The following PPP1R9A variants were observed in gnomAD, a reference collection of about 807,000 sequenced individuals.
PPP1R9A encodes the protein neurabin-1.
Under a neutral mutation model 141.9 loss-of-function variants are expected in PPP1R9A, and 59 were observed. The ratio of observed to expected loss-of-function variants is 0.42; its 90% CI spans 0.34 to 0.52. PPP1R9A has a LOEUF of 0.52. Ranked by LOEUF, PPP1R9A falls within the 20% of genes least tolerant of loss-of-function variation. The probability of loss-of-function intolerance (pLI) is 0.10; values close to 1 mark genes in which losing one functional copy is unlikely to be tolerated. For missense variants in PPP1R9A, 1,444 were observed against 1,611.9 expected, an observed-to-expected ratio of 0.90 and a Z score of 1.78; for synonymous variants, 500 against 569.7, an observed-to-expected ratio of 0.88 and a Z score of 1.74.
chr7:95,279,468 A>G (rs536061277), intron 16 of PPP1R9A, among the ~76,000 whole-genome samples: 139 of 152,348 alleles, frequency 9.1e-4, no homozygotes, highest in Non-Finnish European at 1.7e-3. Context: ...TAGCCCTAGT[A>G]GATCGGACTT....
At chr7:95,236,998 G>T (rs146050513) in intron 8 of PPP1R9A, among the ~76,000 whole-genome samples, 2 of 150,956 alleles carry the variant, frequency 1.3e-5, no homozygotes, top group African/African-American at 2.4e-5. Context: ...CAACTTTATT[G>T]CACTCTGATC....
chr7:94,994,663 A>G (rs1801937134), intron 2 of PPP1R9A, among the ~76,000 whole-genome samples: 1 of 152,120 alleles, frequency 6.6e-6, no homozygotes, highest in Non-Finnish European at 1.5e-5. Context: ...TGGGAGGCTG[A>G]GGCAGACGGA....
intron 2 of PPP1R9A, among the ~76,000 whole-genome samples, chr7:95,065,213 G>A (rs982841751): frequency 5.3e-5 from 8 of 152,060 alleles, no homozygotes; most frequent in Non-Finnish European, 1.2e-4. Context: ...CTACAGGTGT[G>A]CACCACCACA....
chr7:95,165,595 A>T (rs945908502), intron 5 of PPP1R9A, among the ~76,000 whole-genome samples: 3 of 152,270 alleles, frequency 2.0e-5, no homozygotes, highest in Admixed American at 1.3e-4. Context: ...TATGGAAGAT[A>T]GTAACTGTTT....
intron 1 of PPP1R9A, among the ~76,000 whole-genome samples, chr7:94,908,903 C>T (rs1457985580): frequency 6.6e-6 from 1 of 152,164 alleles, no homozygotes; most frequent in Non-Finnish European, 1.5e-5. Flanking sequence ...AAAGTGTGTG[C>T]CTCCTCAGCT....
chr7:95,108,139 A>G (rs996247966), intron 2 of PPP1R9A, among the ~76,000 whole-genome samples: 4 of 151,978 alleles, frequency 2.6e-5, no homozygotes, highest in Admixed American at 2.6e-4. Context: ...TTTCCAAGTA[A>G]TCAGTTGTTT....
At chr7:95,213,352 G>C (rs1330257774) in intron 7 of PPP1R9A, among the ~76,000 whole-genome samples, 2 of 97,518 alleles carry the variant, frequency 2.1e-5, no homozygotes, top group East Asian at 5.9e-4. Context: ...ACAGAGTTTT[G>C]CTCTGTTGCC....
intron 15 of PPP1R9A, 32 bp from the exon 16 acceptor site, chr7:95,274,053 T>G: frequency 1.3e-6 from 2 of 1,511,502 alleles, no homozygotes; most frequent in African/African-American, 1.4e-5. Context: ...AAATTTCAGC[T>G]TCCCCTTTCT....
chr7:94,949,637 C>A (rs1019268221), intron 2 of PPP1R9A, among the ~76,000 whole-genome samples: 1 of 151,962 alleles, frequency 6.6e-6, no homozygotes, highest in Non-Finnish European at 1.5e-5. Flanking sequence ...GTATGCTGAG[C>A]CTTTTAATGA....
At chr7:95,165,636 T>C (rs1033861108) in intron 5 of PPP1R9A, among the ~76,000 whole-genome samples, 10 of 152,194 alleles carry the variant, frequency 6.6e-5, no homozygotes, top group Non-Finnish European at 1.3e-4. Context: ...TATCAGCAGC[T>C]ACAACTTACA....
intron 4 of PPP1R9A, chr7:95,155,454 G>A (rs1355545245): frequency 6.6e-6 from 1 of 152,162 alleles, no homozygotes; most frequent in Non-Finnish European, 1.5e-5. Context: ...GCCTCCCAAA[G>A]TGCTCGATTG....
chr7:95,066,581 A>G (rs1209698363), intron 2 of PPP1R9A, among the ~76,000 whole-genome samples: 1 of 152,228 alleles, frequency 6.6e-6, no homozygotes, highest in African/African-American at 2.4e-5. Context: ...TATTCAGAGG[A>G]CAAAAGGACA....
At chr7:94,981,150 T>G (rs566882159) in intron 2 of PPP1R9A, among the ~76,000 whole-genome samples, 1 of 152,298 alleles carries the variant, frequency 6.6e-6, no homozygotes, top group Admixed American at 6.5e-5. Context: ...AGCTTAGGTT[T>G]TTGGTCTCAG....
In PPP1R9A at chr7:95,230,898, C is replaced by T. The variant is rs531429596; in HGVS notation, c.2112+4782C>T. 2.0e-5 allele frequency among the ~76,000 whole-genome samples: 3 copies of T among 152,122 alleles called. No homozygotes were observed. The East Asian group carries it at 5.8e-4, about 29-fold the overall frequency. On this transcript the variant is annotated intron_variant, in intron 8 of 19. Transcript: ENST00000433360. ...AATAGCACAATGAGTAGAATAGTAC[C>T]TCACATGTCAATACTAACATTGAAT...
chr7:95,215,140 G>A (rs1319887216), intron 7 of PPP1R9A, among the ~76,000 whole-genome samples: 1 of 115,878 alleles, frequency 8.6e-6, no homozygotes, highest in Non-Finnish European at 1.6e-5. Context: ...CCCACAACAG[G>A]CCCCGGTGTG....
chr7:94,982,345 T>C (rs1249876963), intron 2 of PPP1R9A, among the ~76,000 whole-genome samples: 2 of 152,216 alleles, frequency 1.3e-5, no homozygotes, highest in African/African-American at 4.8e-5. Context: ...TACCCAGTAA[T>C]GGGATCACTG....
At chr7:95,198,270 G>T (rs1402336027) in intron 5 of PPP1R9A, 79 bp from the exon 6 acceptor site, 86 of 1,384,250 alleles carry the variant, frequency 6.2e-5, no homozygotes, top group Non-Finnish European at 7.8e-5. Flanking sequence ...ACCCTGCTGA[G>T]ATCAAACCTG....
intron 4 of PPP1R9A, among the ~76,000 whole-genome samples, chr7:95,124,077 G>T (rs1357615250): frequency 6.6e-6 from 1 of 152,060 alleles, no homozygotes; most frequent in African/African-American, 2.4e-5. Flanking sequence ...GTGTGTGGGT[G>T]TCAGAAAATG....
intron 2 of PPP1R9A, among the ~76,000 whole-genome samples, chr7:94,931,878 G>A (rs1794205550): frequency 6.6e-6 from 1 of 152,136 alleles, no homozygotes; most frequent in Non-Finnish European, 1.5e-5. Flanking sequence ...GTGCCCGACT[G>A]ACTGTGGATT....
Sources: allele counts gnomAD v4.1 joint callset (sites outside exome capture counted in the v4.1 genomes callset), GRCh38; gene constraint gnomAD v4.1.1; transcripts MANE v1.5; gene names NCBI Gene and HGNC (gene_info 2026-07-23, HGNC 2026-07-21).